The following SLC25A30 variants were observed in gnomAD, a reference collection of about 807,000 sequenced individuals.
SLC25A30 encodes the protein kidney mitochondrial carrier protein 1.
Under a neutral mutation model 42.7 loss-of-function variants are expected in SLC25A30, and 29 were observed. The observed-to-expected ratio is 0.68, with a 90% CI of 0.51 to 0.93. The LOEUF (loss-of-function observed/expected upper bound fraction) is 0.93. Among genes scored for constraint, SLC25A30 ranks in the 40% least tolerant of loss-of-function variants. The pLI is 0.00. For missense variants in SLC25A30, 300 were observed against 359.7 expected, an observed-to-expected ratio of 0.83 and a Z score of 1.34; for synonymous variants, 124 against 131.0, an observed-to-expected ratio of 0.95 and a Z score of 0.37.
intron 1 of SLC25A30, among the ~76,000 whole-genome samples, chr13:45,417,920 G>A (rs954355459): frequency 7.2e-5 from 11 of 152,316 alleles, no homozygotes; most frequent in East Asian, 1.9e-4. Context: ...ATGAACGCAC[G>A]AGTGGGAGGG....
chr13:45,410,166 G>T (rs141974927), intron 2 of SLC25A30, among the ~76,000 whole-genome samples: 1 of 152,228 alleles, frequency 6.6e-6, no homozygotes, highest in African/African-American at 2.4e-5. Context: ...AAACAAACAG[G>T]ATCTGATGTG....
chr13:45,427,518 C>G, the SLC25A30 span, among the ~76,000 whole-genome samples: 2 of 152,092 alleles, frequency 1.3e-5, no homozygotes, highest in African/African-American at 4.8e-5. Flanking sequence ...TCATTTACTA[C>G]CTTCCTAAAT....
chr13:45,400,043 C>T (rs868696040), intron 7 of SLC25A30, among the ~76,000 whole-genome samples: 13,567 of 96,696 alleles, frequency 0.14, 834 homozygotes, highest in African/African-American at 0.18. Flanking sequence ...TACACACACA[C>T]ACACACACAC....
At chr13:45,412,142 CAG>C (rs1447661193) in intron 1 of SLC25A30, among the ~76,000 whole-genome samples, 1 of 150,948 alleles carries the variant, frequency 6.6e-6, no homozygotes, top group African/African-American at 2.4e-5. Flanking sequence ...TTTTTTAAGA[CAG>C]GGTCTCACCC....
In SLC25A30 at chr13:45,393,749, T is replaced by G. The variant is rs1881116537; in HGVS notation, c.*2225A>C. On this transcript the variant is annotated 3_prime_UTR_variant, in exon 10 of 10. Coordinates refer to ENST00000519676, the MANE Select transcript of SLC25A30 (RefSeq NM_001010875.4). Reference sequence around the variant, plus strand: ...AAAAAACAGAAAAAGCAGGTTAAGATCCTGTTCAATAAGGCACTTAATAAG... The same window carrying G: ...AAAAAACAGAAAAAGCAGGTTAAGAGCCTGTTCAATAAGGCACTTAATAAG... 4 of 985,428 alleles carry G rather than the reference T, an allele frequency of 4.1e-6. No individual in the cohort carries two copies. Among genetic ancestry groups the G allele is most frequent in the Non-Finnish European group, 4.8e-6 (4 of 829,902 alleles). The allele number at this position is 985,428 out of a possible 1,614,324, so 61.0% of individuals were successfully genotyped here. A position where few individuals can be genotyped will look rare whatever the true frequency, so the allele number is the denominator to read the frequency against.
At chr13:45,425,537 AGTAT>A in the SLC25A30 span, among the ~76,000 whole-genome samples, 1 of 54,528 alleles carries the variant, frequency 1.8e-5, no homozygotes, top group African/African-American at 7.5e-5. Context: ...AATATGTATA[AGTAT>A]ATATATATAA....
At chr13:45,403,002 G>A (rs1314719425) in intron 5 of SLC25A30, among the ~76,000 whole-genome samples, 3 of 152,198 alleles carry the variant, frequency 2.0e-5, no homozygotes, top group African/African-American at 7.2e-5. Flanking sequence ...ACTACAAAAT[G>A]TGTACCTTAT....
intron 7 of SLC25A30, among the ~76,000 whole-genome samples, chr13:45,400,195 G>A (rs966197334): frequency 3.0e-4 from 45 of 152,084 alleles, no homozygotes; most frequent in African/African-American, 1.1e-3. Flanking sequence ...GCTGAGGCGG[G>A]TGGATCACTT....
At chr13:45,405,852 G>A (rs1348320885) in intron 4 of SLC25A30, 31 bp downstream of exon 4, 2 of 1,603,674 alleles carry the variant, frequency 1.2e-6, no homozygotes, top group Non-Finnish European at 1.7e-6. Context: ...CCAACCTCCT[G>A]TCCACAGTGG....
At chr13:45,426,081 T>A in the SLC25A30 span, among the ~76,000 whole-genome samples, 1 of 149,188 alleles carries the variant, frequency 6.7e-6, no homozygotes, top group Admixed American at 6.7e-5. Flanking sequence ...CATTTAAATA[T>A]ATTTTTAAAT....
chr13:45,423,851 T>TATATATGTAA, the SLC25A30 span, among the ~76,000 whole-genome samples: 4 of 58,016 alleles, frequency 6.9e-5, no homozygotes, highest in Non-Finnish European at 9.8e-5. Context: ...AATATGTAAA[T>TATATATGTAA]ATATATATAA....
chr13:45,424,929 T>TATAAATATTTAA, the SLC25A30 span, among the ~76,000 whole-genome samples: 1 of 67,700 alleles, frequency 1.5e-5, no homozygotes, highest in Non-Finnish European at 2.5e-5. Flanking sequence ...TATATAAATA[T>TATAAATATTTAA]ATAAATATTT....
In SLC25A30 at chr13:45,397,261, G is replaced by C. The variant is rs1881437733; in HGVS notation, c.831C>G (p.Ile277Met). The part of the protein sequence containing the change: ...PNWLRLGPWN[I>M]IFFVTYEQLK... ...CTATTGCAACAGAAAAGGATACAATGATATTCCAAGGACCAAGTCTCAACC... is the reference window on the plus strand; with the variant it reads ...CTATTGCAACAGAAAAGGATACAATCATATTCCAAGGACCAAGTCTCAACC... Residue 277 changes from isoleucine (I) to methionine (M), a missense_variant, in exon 9 of 10, where the codon ATC (isoleucine) becomes ATG (methionine). Coordinates refer to ENST00000519676, the MANE Select transcript of SLC25A30 (RefSeq NM_001010875.4). 4 of 1,600,582 alleles carry C rather than the reference G, an allele frequency of 2.5e-6. No individual in the cohort carries two copies. The highest frequency in any genetic ancestry group is 3.4e-6 in the Non-Finnish European group (4 of 1,168,290).
upstream of SLC25A30, among the ~76,000 whole-genome samples, chr13:45,421,438 C>CGAACTATT (rs1883890987): frequency 6.7e-6 from 1 of 149,800 alleles, no homozygotes; most frequent in Admixed American, 6.6e-5. Flanking sequence ...AATATATCTA[C>CGAACTATT]GAACTATTCA....
In SLC25A30 at chr13:45,393,856, T is replaced by C; in HGVS notation, c.*2118A>G. ...AGGTTTGAATTTCTTTCCACCTTGG[T>C]AGGAACATGTATGTAATTTGAATAA... On this transcript the variant is annotated 3_prime_UTR_variant, in exon 10 of 10. Transcript: ENST00000519676. The C allele has an allele frequency of 1.0e-6, 1 of 985,342 alleles. No homozygotes were observed. The allele number at this position is 985,342 out of a possible 1,614,324, so 61.0% of individuals were successfully genotyped here.
upstream of SLC25A30, chr13:45,420,496 C>T (rs978866961): frequency 1.8e-4 from 28 of 152,362 alleles, no homozygotes; most frequent in African/African-American, 6.5e-4. Flanking sequence ...TCTCACCTCA[C>T]CAAGTCCTTT....
At position 45,409,022 on chromosome 13, in the gene SLC25A30, C is replaced by G; in HGVS notation, c.117G>C (p.Thr39=). The G allele has an allele frequency of 6.2e-7, 1 of 1,613,078 alleles. No individual in the cohort carries two copies. Among genetic ancestry groups the G allele is most frequent in the Non-Finnish European group, 8.5e-7 (1 of 1,179,554 alleles). ...TKTRLQIQGQ[T]NDAKFKEIRY... ...TAATTTCCTTAAATTTTGCATCATT[C>G]GTCTGGCCTTGAATCTGGAGCCGTG... is the stretch of plus-strand genomic sequence containing the variant. The change falls in exon 3 of 10, where the codon ACG becomes ACC. Residue 39 remains threonine, a synonymous_variant. Coordinates refer to ENST00000519676, the MANE Select transcript of SLC25A30 (RefSeq NM_001010875.4).
intron 1 of SLC25A30, among the ~76,000 whole-genome samples, chr13:45,416,593 G>A (rs890680120): frequency 6.6e-6 from 1 of 151,780 alleles, no homozygotes; most frequent in Non-Finnish European, 1.5e-5. Flanking sequence ...AGAATGAGAC[G>A]ACCACCTATA....
the SLC25A30 span, among the ~76,000 whole-genome samples, chr13:45,425,081 A>AATATATATGTATATATATGT: frequency 3.3e-5 from 1 of 30,472 alleles, no homozygotes; most frequent in African/African-American, 1.7e-4. Flanking sequence ...CATATATATA[A>AATATATATGTATATATATGT]ATATATAAAT....
Sources: allele counts gnomAD v4.1 joint callset (sites outside exome capture counted in the v4.1 genomes callset), GRCh38; gene constraint gnomAD v4.1.1; transcripts MANE v1.5; gene names NCBI Gene and HGNC (gene_info 2026-07-23, HGNC 2026-07-21).